The following XYLT1 variants were observed in gnomAD, a reference collection of about 807,000 sequenced individuals.
XYLT1 encodes the protein beta-D-xylosyltransferase 1.
In XYLT1, 36 loss-of-function variants were observed where a neutral mutation model predicts 91.3. The observed-to-expected ratio is 0.39, with a 90% CI of 0.30 to 0.52. The LOEUF (loss-of-function observed/expected upper bound fraction) is 0.52, where lower values mean the gene tolerates loss of function less well. XYLT1 is among the 20% of genes least tolerant of loss of function. The pLI, the probability that XYLT1 is intolerant of heterozygous loss-of-function variation, is 0.68. For missense variants in XYLT1, 1,242 were observed against 1,284.5 expected (o/e 0.97, Z 0.51); for synonymous variants, 588 against 532.0 (o/e 1.11, Z -1.45).
Position 17,125,575 on chromosome 16 carries a change from G to A in XYLT1, c.2223+2091C>T, listed in dbSNP as rs114979922. ...CTGCTTGGAATGCTCCAGATCTCCC[G>A]AGGACTGGCTCTTTTACAGGCTTTA... On this transcript the variant is annotated intron_variant, in intron 10 of 11. Transcript: ENST00000261381. Among the ~76,000 whole-genome samples the A allele has an allele frequency of 4.2e-3, 638 of 151,922 alleles. 2 individuals are homozygous for A. Among genetic ancestry groups the A allele is most frequent in the African/African-American group, 0.014 (589 of 41,388 alleles).
At chr16:17,196,447 A>C (rs570563617) in intron 5 of XYLT1, among the ~76,000 whole-genome samples, 1 of 152,354 alleles carries the variant, frequency 6.6e-6, no homozygotes, top group South Asian at 2.1e-4. Flanking sequence ...GTGATATCTT[A>C]TATTTCTTTC....
At chr16:17,270,269 A>G (rs549595502) in intron 2 of XYLT1, among the ~76,000 whole-genome samples, 2 of 152,348 alleles carry the variant, frequency 1.3e-5, no homozygotes, top group African/African-American at 2.4e-5. Context: ...ACGCAGCCCA[A>G]GGCCACCTAG....
At chr16:17,304,894 A>G (rs1043269803) in intron 2 of XYLT1, among the ~76,000 whole-genome samples, 1 of 152,162 alleles carries the variant, frequency 6.6e-6, no homozygotes, top group Non-Finnish European at 1.5e-5. Context: ...ACACTACCCT[A>G]TGACATTTCA....
At chr16:17,372,908 C>A (rs1818993130) in intron 1 of XYLT1, among the ~76,000 whole-genome samples, 1 of 152,172 alleles carries the variant, frequency 6.6e-6, no homozygotes, top group South Asian at 2.1e-4. Context: ...AATAAATCAT[C>A]AAATACGTAT....
At chr16:17,398,821 C>A (rs1355567957) in intron 1 of XYLT1, among the ~76,000 whole-genome samples, 1 of 68,888 alleles carries the variant, frequency 1.5e-5, no homozygotes, top group East Asian at 3.1e-4. Flanking sequence ...TGTCCCCGCC[C>A]CCCCCCACTG....
chr16:17,398,202 T>C (rs1306978361), intron 1 of XYLT1, among the ~76,000 whole-genome samples: 3 of 152,106 alleles, frequency 2.0e-5, no homozygotes, highest in African/African-American at 7.2e-5. Flanking sequence ...GGACTAGAAG[T>C]GCATCTAGTC....
chr16:17,127,452 C>A, intron 10 of XYLT1, among the ~76,000 whole-genome samples: 1 of 152,186 alleles, frequency 6.6e-6, no homozygotes, highest in African/African-American at 2.4e-5. Flanking sequence ...AAAAATACAA[C>A]TGTGTTCCAG....
At chr16:17,411,684 T>C (rs1200694003) in intron 1 of XYLT1, among the ~76,000 whole-genome samples, 1 of 152,192 alleles carries the variant, frequency 6.6e-6, no homozygotes, top group East Asian at 1.9e-4. Context: ...CTCTGATCTC[T>C]TAATAGTTGT....
At chr16:17,352,264 T>C (rs942479798) in intron 2 of XYLT1, among the ~76,000 whole-genome samples, 2 of 152,182 alleles carry the variant, frequency 1.3e-5, no homozygotes, top group African/African-American at 2.4e-5. Context: ...ATTAGCCAAA[T>C]TTCAGACATC....
chr16:17,256,660 C>A (rs8049281), intron 3 of XYLT1, among the ~76,000 whole-genome samples: 94,811 of 146,562 alleles, frequency 0.65, 32,936 homozygotes, highest in African/African-American at 0.91. Context: ...AAAAAAAAAA[C>A]AAAAAAAAGA....
intron 1 of XYLT1, among the ~76,000 whole-genome samples, chr16:17,366,167 G>A (rs1306938960): frequency 1.3e-5 from 2 of 149,030 alleles, no homozygotes; most frequent in Admixed American, 6.8e-5. Context: ...GATTTCTCAC[G>A]TCTCCTTTAA....
intron 2 of XYLT1, among the ~76,000 whole-genome samples, chr16:17,332,419 G>C (rs141725692): frequency 2.0e-5 from 3 of 151,908 alleles, no homozygotes; most frequent in Non-Finnish European, 4.4e-5. Context: ...AAAATTAGCC[G>C]GGCGTGGTGG....
At position 17,320,828 on chromosome 16, in the gene XYLT1, C is replaced by T. The variant is rs541304376; in HGVS notation, c.402+37184G>A. Among the ~76,000 whole-genome samples the T allele has an allele frequency of 8.4e-5, 10 of 118,826 alleles. 1 individual carries two copies. Among genetic ancestry groups the T allele is most frequent in the South Asian group, 5.0e-4 (2 of 4,020 alleles). The allele number at this position is 118,826 out of a possible 152,430, so 78.0% of individuals were successfully genotyped here. ...ACTCTGTGCCTAGGTTTTCTTACCA[C>T]GGAAATGAGGTTAATGATAATAGTT... On this transcript the variant is annotated intron_variant, in intron 2 of 11. Transcript: ENST00000261381.
intron 1 of XYLT1, among the ~76,000 whole-genome samples, chr16:17,454,738 C>T (rs2036713803): frequency 1.3e-5 from 2 of 151,998 alleles, no homozygotes; most frequent in African/African-American, 4.8e-5. Context: ...GGGGTTTCAA[C>T]CATGTTGGTC....
intron 5 of XYLT1, among the ~76,000 whole-genome samples, chr16:17,197,749 G>A (rs1349929369): frequency 6.6e-6 from 1 of 152,188 alleles, no homozygotes; most frequent in East Asian, 1.9e-4. Flanking sequence ...TTCGACCACA[G>A]ACTGAAGACT....
chr16:17,430,058 C>A lies in XYLT1; in HGVS notation c.363+40376G>T, dbSNP rs113983722. On this transcript the variant is annotated intron_variant, in intron 1 of 11. Transcript: ENST00000261381. ...TTCAAGTGATTCTCCTGCCTCAGCC[C>A]CCCAAGTAGCTGGGATTACAGGTGC... 4.1e-3 allele frequency among the ~76,000 whole-genome samples: 617 copies of A among 151,716 alleles called. 3 individuals carry two copies. Among genetic ancestry groups the A allele is most frequent in the African/African-American group, 0.014 (578 of 41,334 alleles).
chr16:17,324,285 C>A (rs1360382388), intron 2 of XYLT1, among the ~76,000 whole-genome samples: 1 of 152,008 alleles, frequency 6.6e-6, no homozygotes, highest in Non-Finnish European at 1.5e-5. Flanking sequence ...CAAGAAGGGA[C>A]AGAAAAAGAA....
At chr16:17,466,856 T>A (rs117203543) in intron 1 of XYLT1, among the ~76,000 whole-genome samples, 2,223 of 151,984 alleles carry the variant, frequency 0.015, 37 homozygotes, top group Non-Finnish European at 0.023. Context: ...GTGTAATGCG[T>A]CGCTCAAACA....
At chr16:17,243,433 G>T (rs1389716136) in intron 3 of XYLT1, among the ~76,000 whole-genome samples, 1 of 152,152 alleles carries the variant, frequency 6.6e-6, no homozygotes, top group Non-Finnish European at 1.5e-5. Context: ...TCCTCATCAG[G>T]TTAGAGTGAG....
Sources: gnomAD v4.1 joint callset for allele counts (sites outside exome capture counted in the v4.1 genomes callset) on GRCh38, gnomAD v4.1.1 for gene constraint, MANE v1.5 for transcripts, NCBI Gene and HGNC (gene_info 2026-07-23, HGNC 2026-07-21) for gene names.